ZBTB20: variants seen among roughly 807,000 people sequenced by gnomAD.
ZBTB20 encodes the protein zinc finger and BTB domain containing 20.
Under a neutral mutation model 56.9 loss-of-function variants are expected in ZBTB20, and 9 were observed. That is an observed-to-expected ratio of 0.16 (90% CI 0.10 to 0.28). ZBTB20 has a LOEUF of 0.28. Among genes scored for constraint, ZBTB20 ranks in the 10% least tolerant of loss-of-function variants. The pLI is 1.00. For missense variants in ZBTB20, 655 were observed against 1,003.0 expected (o/e 0.65, Z 4.69); for synonymous variants, 417 against 420.7 (o/e 0.99, Z 0.11).
intron 6 of ZBTB20, among the ~76,000 whole-genome samples, chr3:114,600,941 C>T (rs1195672359): frequency 6.6e-6 from 1 of 151,658 alleles, no homozygotes; most frequent in Non-Finnish European, 1.5e-5. Flanking sequence ...CTGGGACTTA[C>T]TCTTAAATTA....
intron 7 of ZBTB20, among the ~76,000 whole-genome samples, chr3:114,434,906 A>G (rs888877538): frequency 2.0e-5 from 3 of 152,176 alleles, no homozygotes; most frequent in African/African-American, 4.8e-5. Context: ...TTCCTGATTC[A>G]AAGTGAGGTG....
chr3:115,035,866 T>C (rs2080894147), intron 2 of ZBTB20, among the ~76,000 whole-genome samples: 2 of 152,210 alleles, frequency 1.3e-5, no homozygotes, highest in Admixed American at 1.3e-4. Flanking sequence ...GTGATATATA[T>C]ACACAATGGA....
chr3:114,697,657 C>CAGAGT (rs1288748064), intron 5 of ZBTB20, among the ~76,000 whole-genome samples: 1 of 151,640 alleles, frequency 6.6e-6, no homozygotes, highest in Non-Finnish European at 1.5e-5. Context: ...TGTTGCGTAA[C>CAGAGT]TGAGTACAGA....
chr3:114,967,246 A>G (rs2077684099), intron 3 of ZBTB20, among the ~76,000 whole-genome samples: 1 of 152,144 alleles, frequency 6.6e-6, no homozygotes, highest in African/African-American at 2.4e-5. Context: ...AAATATTAAT[A>G]GATTTTATTA....
intron 4 of ZBTB20, among the ~76,000 whole-genome samples, chr3:114,870,738 A>C (rs954613316): frequency 6.6e-6 from 1 of 151,970 alleles, no homozygotes; most frequent in South Asian, 2.1e-4. Context: ...AAGACAGAAA[A>C]TCTCTGTTCT....
intron 7 of ZBTB20, among the ~76,000 whole-genome samples, chr3:114,454,395 C>G (rs2091873404): frequency 6.6e-6 from 1 of 151,704 alleles, no homozygotes; most frequent in African/African-American, 2.4e-5. Flanking sequence ...TTTCCCACCC[C>G]CCGTTGTACT....
At chr3:115,113,746 C>A (rs574375805) in intron 1 of ZBTB20, among the ~76,000 whole-genome samples, 17 of 152,312 alleles carry the variant, frequency 1.1e-4, no homozygotes, top group Non-Finnish European at 2.1e-4. Flanking sequence ...GTGATTCCAA[C>A]AGCCACAGCA....
At chr3:114,676,394 A>T (rs1433170850) in intron 6 of ZBTB20, among the ~76,000 whole-genome samples, 2 of 152,198 alleles carry the variant, frequency 1.3e-5, no homozygotes, top group Non-Finnish European at 2.9e-5. Flanking sequence ...GGGTTAAATG[A>T]GATAATGTAT....
intron 7 of ZBTB20, among the ~76,000 whole-genome samples, chr3:114,396,636 A>C (rs779430149): frequency 1.3e-5 from 2 of 152,078 alleles, no homozygotes; most frequent in Non-Finnish European, 2.9e-5. Context: ...CTAGAGCTTA[A>C]CCTATACCAG....
chr3:115,097,271 C>T (rs1164307507), intron 1 of ZBTB20, among the ~76,000 whole-genome samples: 5 of 152,180 alleles, frequency 3.3e-5, no homozygotes, highest in East Asian at 1.9e-4. Flanking sequence ...CTCCACCTCC[C>T]GGGTTCAAGG....
rs534422516 is a variant in ZBTB20 at position 114,333,958 on chromosome 3, G to T, written c.*5047C>A. On this transcript the variant is annotated 3_prime_UTR_variant, in exon 12 of 12. Coordinates refer to ENST00000675478, the MANE Select transcript of ZBTB20 (RefSeq NM_001348800.3). ...GACTTCAACTCATTACCAAATTAAAGAATTCTTTTAGAAGATTTCTTTTAA... is the reference window on the plus strand; with the variant it reads ...GACTTCAACTCATTACCAAATTAAATAATTCTTTTAGAAGATTTCTTTTAA... 6.6e-6 allele frequency: 1 copy of T among 152,262 alleles called. No homozygotes were observed. The highest frequency in any genetic ancestry group is 2.1e-4 in the South Asian group (1 of 4,826). 9.4% of individuals were successfully genotyped at this position (152,262 alleles called of 1,614,324 possible). A position where few individuals can be genotyped will look rare whatever the true frequency, so the allele number is the denominator to read the frequency against.
At chr3:114,727,679 ATGT>A (rs2065410904) in intron 5 of ZBTB20, among the ~76,000 whole-genome samples, 2 of 152,148 alleles carry the variant, frequency 1.3e-5, no homozygotes, top group African/African-American at 2.4e-5. Context: ...GACAAAAAAC[ATGT>A]TGTGTTTGAA....
chr3:114,884,869 G>T (rs10934279), intron 4 of ZBTB20, among the ~76,000 whole-genome samples: 6,480 of 152,192 alleles, frequency 0.043, 166 homozygotes, highest in Middle Eastern at 0.11. Flanking sequence ...GAGAAATGAT[G>T]GCTCAAAAAC....
chr3:114,438,425 A>C (rs938718248), intron 7 of ZBTB20, among the ~76,000 whole-genome samples: 48 of 115,832 alleles, frequency 4.1e-4, no homozygotes, highest in African/African-American at 1.3e-3. Flanking sequence ...CCAAAAAAAA[A>C]CAAAAAAAAC....
chr3:114,733,698 T>G (rs2065926184), intron 5 of ZBTB20, among the ~76,000 whole-genome samples: 1 of 152,164 alleles, frequency 6.6e-6, no homozygotes, highest in South Asian at 2.1e-4. Context: ...ATTGTATATA[T>G]GTAGGGTAAA....
intron 5 of ZBTB20, among the ~76,000 whole-genome samples, chr3:114,789,485 A>C (rs1000709455): frequency 6.6e-6 from 1 of 152,186 alleles, no homozygotes; most frequent in Non-Finnish European, 1.5e-5. Context: ...ATTTTAAAAA[A>C]ACTTTATAGG....
intron 1 of ZBTB20, among the ~76,000 whole-genome samples, chr3:115,091,100 C>CA (rs759805954): frequency 6.6e-6 from 1 of 151,354 alleles, no homozygotes; most frequent in Non-Finnish European, 1.5e-5. Context: ...CTCAATTAAC[C>CA]AAAAACAAAT....
intron 6 of ZBTB20, among the ~76,000 whole-genome samples, chr3:114,660,920 GAAGCTTT>G (rs933916587): frequency 2.6e-5 from 4 of 152,038 alleles, no homozygotes; most frequent in Admixed American, 6.6e-5. Context: ...GTGAGAGAGA[GAAGCTTT>G]TGGACCTCTC....
chr3:114,401,606 T>C (rs1350919611), intron 7 of ZBTB20, among the ~76,000 whole-genome samples: 1 of 152,178 alleles, frequency 6.6e-6, no homozygotes, highest in Non-Finnish European at 1.5e-5. Context: ...CAGGCACTTT[T>C]GCCCGAGCCA....
Sources: allele counts gnomAD v4.1 joint callset (sites outside exome capture counted in the v4.1 genomes callset), GRCh38; gene constraint gnomAD v4.1.1; transcripts MANE v1.5; gene names NCBI Gene and HGNC (gene_info 2026-07-23, HGNC 2026-07-21).